Variants in ARID1B observed in about 807,000 individuals in gnomAD.
The protein encoded by ARID1B is AT-rich interactive domain-containing protein 1B.
In ARID1B, 30 loss-of-function variants were observed where a neutral mutation model predicts 212.3. The ratio of observed to expected loss-of-function variants is 0.14; its 90% CI spans 0.11 to 0.19. ARID1B has a LOEUF of 0.19. Among genes scored for constraint, ARID1B ranks in the 10% least tolerant of loss-of-function variants. The probability of loss-of-function intolerance (pLI) is 1.00; values close to 1 mark genes in which losing one functional copy is unlikely to be tolerated. For missense variants in ARID1B, 2,891 were observed against 3,204.0 expected (o/e 0.90, Z 2.36); for synonymous variants, 1,402 against 1,301.7 (o/e 1.08, Z -1.66).
chr6:156,777,923 AC>A lies in ARID1B; in HGVS notation c.244del (p.Leu82SerfsTer71). The A allele has an allele frequency of 6.6e-7, 1 of 1,519,678 alleles. No individual in the cohort carries two copies. The highest frequency in any genetic ancestry group is 8.8e-7 in the Non-Finnish European group (1 of 1,141,394). The allele number at this position is 1,519,678 out of a possible 1,614,324, so 94.1% of individuals were successfully genotyped here. On this transcript the variant is annotated frameshift_variant, in exon 1 of 20. Coordinates refer to ENST00000636930, the MANE Select transcript of ARID1B (RefSeq NM_001374828.1). LOFTEE classifies it high-confidence loss of function. The stretch of plus-strand genomic sequence containing the variant: ...ACCACCCCCTGCTCCCCCGTCACGA[AC>A]TCAACATGGCCCATAACGCGGGCGC... ...HHHPLLPRHELNMAHNAGAAA... is the reference protein window; with the variant it reads ...HHHPLLPRHEXNMAHNAGAAA...
chr6:157,104,246 T>C (rs574388684), intron 5 of ARID1B, among the ~76,000 whole-genome samples: 1 of 152,334 alleles, frequency 6.6e-6, no homozygotes, highest in African/African-American at 2.4e-5. Flanking sequence ...GAAGTAGCAA[T>C]GGAGAGATAC....
chr6:156,917,134 A>AT (rs370939962), intron 3 of ARID1B, among the ~76,000 whole-genome samples: 56 of 148,926 alleles, frequency 3.8e-4, no homozygotes, highest in East Asian at 2.2e-3. Context: ...AGAAGTCACC[A>AT]TTTTTTTTTT....
At chr6:157,024,450 G>A (rs1055081639) in intron 4 of ARID1B, 1 of 151,084 alleles carries the variant, frequency 6.6e-6, no homozygotes, top group Admixed American at 6.6e-5. Context: ...TGGTGTAGAT[G>A]TTTCAAACAT....
At chr6:156,839,240 G>T (rs1246424676) in intron 2 of ARID1B, among the ~76,000 whole-genome samples, 1 of 152,212 alleles carries the variant, frequency 6.6e-6, no homozygotes, top group Non-Finnish European at 1.5e-5. Flanking sequence ...AGGCTGAGAA[G>T]TTCAAAGGCA....
intron 4 of ARID1B, among the ~76,000 whole-genome samples, chr6:157,002,199 A>G (rs184278689): frequency 1.2e-3 from 176 of 152,326 alleles, no homozygotes; most frequent in African/African-American, 3.9e-3. Flanking sequence ...ACAACTTGAT[A>G]TCTTGAGATA....
At chr6:157,103,490 A>C (rs527412777) in intron 5 of ARID1B, among the ~76,000 whole-genome samples, 3 of 152,198 alleles carry the variant, frequency 2.0e-5, no homozygotes, top group Non-Finnish European at 4.4e-5. Flanking sequence ...TGTTCTATGA[A>C]GTATGCTGAG....
intron 2 of ARID1B, among the ~76,000 whole-genome samples, chr6:156,893,683 A>G (rs1788146361): frequency 6.6e-6 from 1 of 152,340 alleles, no homozygotes; most frequent in Non-Finnish European, 1.5e-5. Flanking sequence ...AAGGTACTCA[A>G]CAGCACTGAT....
chr6:157,119,104 G>A (rs35065015), intron 6 of ARID1B, among the ~76,000 whole-genome samples: 4 of 152,064 alleles, frequency 2.6e-5, no homozygotes, highest in South Asian at 2.1e-4. Context: ...TCCTTGATGC[G>A]TTTTTCTCCC....
intron 4 of ARID1B, among the ~76,000 whole-genome samples, chr6:157,004,675 C>CT (rs1441443452): frequency 6.6e-6 from 1 of 152,158 alleles, no homozygotes; most frequent in Admixed American, 6.5e-5. Context: ...TGCACTTGGA[C>CT]TTGGCTGTGT....
rs1490932846 is a variant in ARID1B at position 157,148,736 on chromosome 6, C to A, written c.2874C>A (p.Ser958Arg). The A allele has an allele frequency of 6.2e-7, 1 of 1,613,216 alleles. No homozygotes were observed. Residue 958 changes from serine (S) to arginine (R), a missense_variant, in exon 8 of 20, where the codon AGC becomes AGA. Transcript: ENST00000636930. This position sits in a 1 kb window ranked among gnomAD's most constrained non-coding sequence, Gnocchi z 5.6. ...ACCAGATGCATGGACAAGGGCCAAG[C>A]CAGCCATGTGGTGCTGTGCCCCTGG... is the stretch of plus-strand genomic sequence containing the variant. The part of the protein sequence containing the change: ...ANNQMHGQGP[S>R]QPCGAVPLGR...
intron 1 of ARID1B, among the ~76,000 whole-genome samples, chr6:156,788,527 CT>C (rs1044102504): frequency 1.3e-5 from 2 of 152,106 alleles, no homozygotes; most frequent in African/African-American, 4.8e-5. Context: ...AAATGACTGG[CT>C]TTTTAGGAGA....
chr6:156,843,200 T>C (rs1447314333), intron 2 of ARID1B, among the ~76,000 whole-genome samples: 3 of 152,220 alleles, frequency 2.0e-5, no homozygotes, highest in Non-Finnish European at 4.4e-5. Context: ...AATGTAACCA[T>C]TATTGTATTG....
chr6:156,885,673 A>T (rs287866), intron 2 of ARID1B, among the ~76,000 whole-genome samples: 27,811 of 152,184 alleles, frequency 0.18, 2,855 homozygotes, highest in African/African-American at 0.25. Flanking sequence ...TTGTATGAAC[A>T]TTTACTTTGA....
chr6:156,935,287 C>T (rs189931470), intron 3 of ARID1B, among the ~76,000 whole-genome samples, 179 bp from the exon 4 acceptor site: 1 of 152,076 alleles, frequency 6.6e-6, no homozygotes, highest in Non-Finnish European at 1.5e-5. Flanking sequence ...CCTACATTGC[C>T]CAGGCTGGTC....
chr6:156,894,336 G>A (rs968204413), intron 2 of ARID1B, among the ~76,000 whole-genome samples: 1 of 145,220 alleles, frequency 6.9e-6, no homozygotes, highest in African/African-American at 2.6e-5. Context: ...AGAATGTGGG[G>A]TTGTTATTTC....
intron 4 of ARID1B, among the ~76,000 whole-genome samples, chr6:157,070,021 T>C (rs1250068984): frequency 6.6e-6 from 1 of 152,166 alleles, no homozygotes; most frequent in Non-Finnish European, 1.5e-5. Context: ...GCATACATAT[T>C]ATGCTTAAAG....
chr6:156,930,885 G>A (rs911069134), intron 3 of ARID1B, among the ~76,000 whole-genome samples: 2 of 152,022 alleles, frequency 1.3e-5, no homozygotes, highest in African/African-American at 2.4e-5. Flanking sequence ...ATTGCAGAAA[G>A]GTAAATAAAA....
rs568379451 is a variant in ARID1B, at chr6:156,826,912, C to G, written c.1792-2315C>G. Among the ~76,000 whole-genome samples, 3 of 152,282 alleles carry G rather than the reference C, an allele frequency of 2.0e-5. No individual in the cohort carries two copies. In the East Asian group the frequency reaches 5.8e-4, roughly 29 times the overall value. On this transcript the variant is annotated intron_variant, in intron 1 of 19. Coordinates refer to ENST00000636930, the MANE Select transcript of ARID1B (RefSeq NM_001374828.1). ...CAGCTTGTCTGTGGGTTCATTTTCCCTTTTCCCTTAAGCGGTGATATTCTC... is the reference window on the plus strand; with the variant it reads ...CAGCTTGTCTGTGGGTTCATTTTCCGTTTTCCCTTAAGCGGTGATATTCTC...
In ARID1B at chr6:157,110,665, G is replaced by A. The variant is rs893803295; in HGVS notation, c.2581+104G>A. The A allele has an allele frequency of 5.5e-6, 6 of 1,082,178 alleles. No homozygotes were observed. In the African/African-American group the frequency reaches 7.9e-5, roughly 14 times the overall value. The allele number at this position is 1,082,178 out of a possible 1,614,324, so 67.0% of individuals were successfully genotyped here. On this transcript the variant is annotated intron_variant, in intron 6 of 19. Transcript: ENST00000636930. ...CCTCCTTATCATTAATTTTTTTAAA[G>A]GATATTATGTTTTCTTATCAGACGG... is the stretch of plus-strand genomic sequence containing the variant.
Sources: gnomAD v4.1 joint callset for allele counts (sites outside exome capture counted in the v4.1 genomes callset) on GRCh38, gnomAD v4.1.1 for gene constraint, Gnocchi (gnomAD v3.1) non-coding constraint, MANE v1.5 for transcripts, NCBI Gene and HGNC (gene_info 2026-07-23, HGNC 2026-07-21) for gene names.